Variants in RNLS observed in about 807,000 individuals in gnomAD.
RNLS encodes renalase, FAD dependent amine oxidase.
In RNLS, 39 loss-of-function variants were observed where a neutral mutation model predicts 39.8. That is an observed-to-expected ratio of 0.98 (90% CI 0.76 to 1.28). The LOEUF (loss-of-function observed/expected upper bound fraction) is 1.28. Among genes scored for constraint, RNLS ranks in the 50% most tolerant of loss-of-function variants. The pLI, the probability that RNLS is intolerant of heterozygous loss-of-function variation, is 0.00. For synonymous variants in RNLS, 147 were observed against 150.7 expected (o/e 0.98, Z 0.18); for missense variants, 410 against 413.3 (o/e 0.99, Z 0.07).
the RNLS span, among the ~76,000 whole-genome samples, chr10:88,232,053 C>G: frequency 3.3e-5 from 5 of 152,004 alleles, no homozygotes; most frequent in Non-Finnish European, 7.4e-5. Context: ...TGTGGTGGTT[C>G]TAAGACTTCA....
intron 4 of RNLS, among the ~76,000 whole-genome samples, chr10:88,462,438 C>T (rs1329678944): frequency 1.3e-5 from 2 of 152,002 alleles, no homozygotes; most frequent in Non-Finnish European, 2.9e-5. Flanking sequence ...TCCATCAACT[C>T]TTCTATGTTG....
intron 4 of RNLS, among the ~76,000 whole-genome samples, chr10:88,374,264 G>A (rs1454240431): frequency 6.6e-6 from 1 of 151,976 alleles, no homozygotes; most frequent in African/African-American, 2.4e-5. Flanking sequence ...ATAACCTCAA[G>A]GTGTTTGCTT....
chr10:88,203,386 A>T, the RNLS span, among the ~76,000 whole-genome samples: 1 of 9,994 alleles, frequency 1.0e-4, no homozygotes, highest in Non-Finnish European at 2.0e-4. Flanking sequence ...ATATATATAT[A>T]CACGTATGTG....
chr10:88,582,826 G>A (rs905144179), intron 1 of RNLS, among the ~76,000 whole-genome samples: 2 of 152,208 alleles, frequency 1.3e-5, no homozygotes, highest in South Asian at 2.1e-4. Context: ...TAGAGCGCGG[G>A]GTACTCCTGC....
At chr10:88,406,462 G>A (rs1348532222) in intron 4 of RNLS, among the ~76,000 whole-genome samples, 1 of 151,796 alleles carries the variant, frequency 6.6e-6, no homozygotes, top group Non-Finnish European at 1.5e-5. Context: ...GGGATAATTC[G>A]AAGACCTTGT....
At chr10:88,263,491 T>C in the RNLS span, among the ~76,000 whole-genome samples, 1 of 152,174 alleles carries the variant, frequency 6.6e-6, no homozygotes, top group African/African-American at 2.4e-5. Context: ...CTTCAGCCCC[T>C]CTCATTTGCA....
the RNLS span, among the ~76,000 whole-genome samples, chr10:88,229,601 C>G: frequency 3.3e-5 from 5 of 152,176 alleles, no homozygotes; most frequent in Admixed American, 2.6e-4. Context: ...GTGGCCATAA[C>G]CACAATAAAT....
chr10:88,497,580 T>G (rs1012477892), intron 4 of RNLS, among the ~76,000 whole-genome samples: 10 of 152,056 alleles, frequency 6.6e-5, no homozygotes, highest in African/African-American at 2.4e-4. Flanking sequence ...TGGGAAAGTC[T>G]TTTAACAACA....
intron 4 of RNLS, among the ~76,000 whole-genome samples, chr10:88,463,932 T>C (rs919533050): frequency 6.6e-6 from 1 of 152,036 alleles, no homozygotes; most frequent in Admixed American, 6.6e-5. Flanking sequence ...AGAATTTCTC[T>C]TTAACTTTTC....
chr10:88,533,564 C>T (rs1433151603), intron 4 of RNLS, among the ~76,000 whole-genome samples: 1 of 152,022 alleles, frequency 6.6e-6, no homozygotes, highest in Non-Finnish European at 1.5e-5. Flanking sequence ...CACAGGAGAG[C>T]AAAATTACCT....
At chr10:88,199,422 T>C in the RNLS span, among the ~76,000 whole-genome samples, 1 of 152,176 alleles carries the variant, frequency 6.6e-6, no homozygotes, top group Non-Finnish European at 1.5e-5. Context: ...GTAGGATGTT[T>C]AGCAGCAACT....
At chr10:88,279,693 C>T (rs1011692952), downstream of RNLS, among the ~76,000 whole-genome samples, 10 of 152,234 alleles carry the variant, frequency 6.6e-5, no homozygotes, top group South Asian at 2.1e-4. Context: ...CCAATCCAAG[C>T]GTGCAATTCT....
chr10:88,446,095 A>G lies in RNLS; in HGVS notation c.527-83370T>C, dbSNP rs550178274. The stretch of plus-strand genomic sequence containing the variant: ...CACTCCTCAGCAGATGTAAAAGAAC[A>G]GAAATTATAACAAACTGTCTCTCAG... On this transcript the variant is annotated intron_variant, in intron 4 of 6. Transcript: ENST00000331772. Among the ~76,000 whole-genome samples the G allele has an allele frequency of 1.7e-3, 254 of 152,358 alleles. 2 individuals are homozygous for G. In the Middle Eastern group the frequency reaches 0.024, roughly 14 times the overall value.
chr10:88,320,159 A>T (rs1475399587), intron 5 of RNLS, among the ~76,000 whole-genome samples: 2 of 152,074 alleles, frequency 1.3e-5, no homozygotes, highest in African/African-American at 4.8e-5. Flanking sequence ...AAGGAAAAAA[A>T]AAAAAAGTCA....
At chr10:88,265,397 G>A in the RNLS span, among the ~76,000 whole-genome samples, 1 of 138,180 alleles carries the variant, frequency 7.2e-6, no homozygotes, top group African/African-American at 2.7e-5. Flanking sequence ...AAGAATGATG[G>A]TATTTTAAAG....
intron 4 of RNLS, among the ~76,000 whole-genome samples, chr10:88,496,838 A>C (rs1231734676): frequency 6.6e-6 from 1 of 152,140 alleles, no homozygotes; most frequent in Non-Finnish European, 1.5e-5. Flanking sequence ...TAATCTACTT[A>C]GTCTTTCTTA....
downstream of RNLS, among the ~76,000 whole-genome samples, chr10:88,268,892 C>T (rs946948075): frequency 2.6e-5 from 4 of 152,214 alleles, no homozygotes; most frequent in African/African-American, 9.6e-5. Flanking sequence ...CAACATGAAG[C>T]ACTGACTAAC....
In RNLS at chr10:88,553,513, A is replaced by G. The variant is rs72820084; in HGVS notation, c.526+19390T>C. 4.0e-3 allele frequency among the ~76,000 whole-genome samples: 613 copies of G among 152,284 alleles called. 2 individuals carry two copies. Among genetic ancestry groups the G allele is most frequent in the Non-Finnish European group, 7.1e-3 (486 of 68,028 alleles). On this transcript the variant is annotated intron_variant, in intron 4 of 6. Coordinates refer to ENST00000331772, the MANE Select transcript of RNLS (RefSeq NM_001031709.3). ...TGAAAAAGAGAAGTATAACAATCTTAAGAATCTAATGGTAATCTCTCATTA... is the reference window on the plus strand; with the variant it reads ...TGAAAAAGAGAAGTATAACAATCTTGAGAATCTAATGGTAATCTCTCATTA...
intron 4 of RNLS, among the ~76,000 whole-genome samples, chr10:88,570,793 G>C (rs897031269): frequency 6.6e-6 from 1 of 152,084 alleles, no homozygotes; most frequent in Non-Finnish European, 1.5e-5. Context: ...CTTGTTCCAC[G>C]GGGTTGGGGA....
Sources: gnomAD v4.1 joint callset for allele counts (sites outside exome capture counted in the v4.1 genomes callset) on GRCh38, gnomAD v4.1.1 for gene constraint, MANE v1.5 for transcripts, NCBI Gene and HGNC (gene_info 2026-07-23, HGNC 2026-07-21) for gene names.